Variants in LPIN3 observed in about 807,000 individuals in gnomAD.
The protein encoded by LPIN3 is phosphatidate phosphatase LPIN3.
Under a neutral mutation model 94.7 loss-of-function variants are expected in LPIN3, and 82 were observed. The observed-to-expected ratio is 0.87, with a 90% CI of 0.72 to 1.04. The LOEUF (loss-of-function observed/expected upper bound fraction) is 1.04. Ranked by LOEUF, LPIN3 falls within the 50% of genes least tolerant of loss-of-function variation. The probability of loss-of-function intolerance (pLI) is 0.00; values close to 1 mark genes in which losing one functional copy is unlikely to be tolerated. For synonymous variants in LPIN3, 418 were observed against 443.3 expected (o/e 0.94, Z 0.72); for missense variants, 996 against 1,090.5 (o/e 0.91, Z 1.22).
intron 1 of LPIN3, among the ~76,000 whole-genome samples, chr20:41,345,170 G>A (rs893476219): frequency 6.6e-6 from 1 of 152,196 alleles, no homozygotes; most frequent in African/African-American, 2.4e-5. Context: ...CACTTCTTGG[G>A]AAAAGAAGAG....
intron 11 of LPIN3, among the ~76,000 whole-genome samples, chr20:41,354,365 A>G (rs2046131915): frequency 6.6e-6 from 1 of 152,176 alleles, no homozygotes; most frequent in African/African-American, 2.4e-5. Context: ...AAAGGAATGG[A>G]TCCACAAGAT....
intron 1 of LPIN3, among the ~76,000 whole-genome samples, chr20:41,344,846 T>C (rs1005947157): frequency 5.9e-5 from 9 of 152,198 alleles, no homozygotes; most frequent in African/African-American, 1.9e-4. Flanking sequence ...AGGGTTGAAA[T>C]TGGGGTCTGA....
Position 41,356,003 on chromosome 20 carries a change from A to C in LPIN3, c.1772A>C (p.Lys591Thr). 1 of 1,614,076 alleles carries C rather than the reference A, an allele frequency of 6.2e-7. No individual in the cohort carries two copies. The highest frequency in any genetic ancestry group is 2.2e-5 in the East Asian group (1 of 44,874). Residue 591 changes from lysine (K) to threonine (T), a missense_variant, in exon 14 of 20, where the codon AAG (lysine) becomes ACG (threonine). Coordinates refer to ENST00000373257, the MANE Select transcript of LPIN3 (RefSeq NM_022896.3). ...ACTCCACCCTCCACTCCTACCTACA[A>C]GAAGTCCCTCCGCCTCTCCTCCGAT... ...PSTPPSTPTY[K>T]KSLRLSSDQI... is the part of the protein sequence containing the mutation.
chr20:41,341,618 C>T (rs1015028606), intron 1 of LPIN3, among the ~76,000 whole-genome samples: 2 of 152,226 alleles, frequency 1.3e-5, no homozygotes, highest in Non-Finnish European at 2.9e-5. Flanking sequence ...GTGAGGCCTA[C>T]GTGGAGTGCA....
At chr20:41,342,674 G>A (rs2045627158) in intron 1 of LPIN3, among the ~76,000 whole-genome samples, 1 of 141,074 alleles carries the variant, frequency 7.1e-6, no homozygotes, top group South Asian at 2.3e-4. Flanking sequence ...ATGTGGGGGG[G>A]CTCACTGGAA....
In LPIN3 at chr20:41,349,880, G is replaced by A. The variant is rs1336789487; in HGVS notation, c.745G>A (p.Gly249Arg). The change falls in exon 6 of 20, where the codon GGG becomes AGG. Residue 249 changes from glycine to arginine, a missense_variant. By Grantham distance (125) the Gly-to-Arg change is moderately radical. Transcript: ENST00000373257. ...RAESHMQWAW[G>R]RLPKVARAER... Reference sequence around the variant, plus strand: ...CGAGTCCCACATGCAGTGGGCCTGGGGGAGGCTGCCTAAGGTGAGTCCCTC... The same window carrying A: ...CGAGTCCCACATGCAGTGGGCCTGGAGGAGGCTGCCTAAGGTGAGTCCCTC... The A allele has an allele frequency of 6.2e-7, 1 of 1,612,978 alleles. No homozygotes were observed. The highest frequency in any genetic ancestry group is 1.3e-5 in the African/African-American group (1 of 74,920).
intron 9 of LPIN3, 60 bp downstream of exon 9, chr20:41,352,280 G>C: frequency 6.3e-7 from 1 of 1,587,666 alleles, no homozygotes; most frequent in Non-Finnish European, 8.6e-7. Flanking sequence ...AGGATGGGGA[G>C]GGCAGGGAAG....
At chr20:41,352,523 C>G (rs951788106) in intron 9 of LPIN3, 83 bp from the exon 10 acceptor site, 2 of 1,234,486 alleles carry the variant, frequency 1.6e-6, no homozygotes, top group African/African-American at 3.0e-5. Flanking sequence ...AGGTGAGCAG[C>G]AGAGTGGGGA....
Position 41,357,981 on chromosome 20 carries a change from C to T in LPIN3, c.2139C>T (p.Leu713=). 5 of 1,612,498 alleles carry T rather than the reference C, an allele frequency of 3.1e-6. No homozygotes were observed. The highest frequency in any genetic ancestry group is 4.2e-6 in the Non-Finnish European group (5 of 1,179,318). Reference sequence around the variant, plus strand: ...GGGTGAGCGAGGGGGGCTGTAGCCTCCCCAAGGGCCCCATCCTTCTGTCTC... The same window carrying T: ...GGGTGAGCGAGGGGGGCTGTAGCCTTCCCAAGGGCCCCATCCTTCTGTCTC... The part of the protein sequence containing the change: ...LQWVSEGGCS[L]PKGPILLSPS... Residue 713 remains leucine, a synonymous_variant, in exon 17 of 20, where the codon CTC becomes CTT. Transcript: ENST00000373257.
In LPIN3 at chr20:41,357,190, T is replaced by C; in HGVS notation, c.1952+2T>C. 1 of 1,613,788 alleles carries C rather than the reference T, an allele frequency of 6.2e-7. No homozygotes were observed. Among genetic ancestry groups the C allele is most frequent in the Non-Finnish European group, 8.5e-7 (1 of 1,179,970 alleles). On this transcript the variant is annotated splice_donor_variant, in intron 15 of 19. Coordinates refer to ENST00000373257, the MANE Select transcript of LPIN3 (RefSeq NM_022896.3). LOFTEE classifies it high-confidence loss of function. ...TGACATCGACGGCACCATCACCAAG[T>C]GAGGCCCACCCAGCTGTGGGAAGGG...
Position 41,349,162 on chromosome 20 carries a change from C to T in LPIN3, c.628C>T (p.Pro210Ser). The change falls in exon 5 of 20, where the codon CCC becomes TCC. Residue 210 changes from proline to serine, a missense_variant. Transcript: ENST00000373257. Reference sequence around the variant, plus strand: ...CCCCTACTCGGATGGCGAGTGGCCCCCCCAGGCCAGGTAAGAGTCCAGGTG... The same window carrying T: ...CCCCTACTCGGATGGCGAGTGGCCCTCCCAGGCCAGGTAAGAGTCCAGGTG... ...IYPYSDGEWPPQASLSAGELT... is the reference protein window; with the variant it reads ...IYPYSDGEWPSQASLSAGELT... 2.5e-6 allele frequency: 4 copies of T among 1,614,136 alleles called. No individual in the cohort carries two copies. The highest frequency in any genetic ancestry group is 3.4e-6 in the Non-Finnish European group (4 of 1,179,996).
chr20:41,341,987 A>G (rs1191272399), intron 1 of LPIN3, among the ~76,000 whole-genome samples: 3 of 152,162 alleles, frequency 2.0e-5, no homozygotes, highest in African/African-American at 7.2e-5. Context: ...AAAAAAATAA[A>G]TAAATAAAAG....
In LPIN3 at chr20:41,352,787, T is replaced by C; in HGVS notation, c.1458-11T>C. 6.2e-7 allele frequency: 1 copy of C among 1,614,216 alleles called. No homozygotes were observed. The highest frequency in any genetic ancestry group is 8.5e-7 in the Non-Finnish European group (1 of 1,179,996). On this transcript the variant is annotated splice_polypyrimidine_tract_variant and intron_variant, in intron 10 of 19. Transcript: ENST00000373257. ...GCTGCTGCAGCTTGATGCCCTGTTC[T>C]GTCTCTCTAGGCATTATAACTGGGC...
At chr20:41,354,929 G>A (rs2046159292) in intron 13 of LPIN3, 66 bp downstream of exon 13, 1 of 1,495,166 alleles carries the variant, frequency 6.7e-7, no homozygotes, top group Non-Finnish European at 9.0e-7. Flanking sequence ...GGGTGCAGGT[G>A]GGTGGCAGGG....
chr20:41,351,790 G>T (rs1328754459), intron 7 of LPIN3, 31 bp from the exon 8 acceptor site: 1 of 1,603,048 alleles, frequency 6.2e-7, no homozygotes, highest in Non-Finnish European at 8.5e-7. Flanking sequence ...GCACATGTCA[G>T]CTCTACAGAT....
rs72484492 is a variant in LPIN3, at chr20:41,359,308, G to A, written c.*442G>A. On this transcript the variant is annotated 3_prime_UTR_variant, in exon 20 of 20. Coordinates refer to ENST00000373257, the MANE Select transcript of LPIN3 (RefSeq NM_022896.3). ...GTACCACCACGCCTGGCTAATTTTC[G>A]TGTTTTTAGTAGAGATGGGTTTTCA... 21,968 of 151,930 alleles carry A rather than the reference G, an allele frequency of 0.14. 1,871 individuals carry two copies. Among genetic ancestry groups the A allele is most frequent in the Non-Finnish European group, 0.18 (12,353 of 68,206 alleles). The allele number at this position is 151,930 out of a possible 1,614,324, so 9.4% of individuals were successfully genotyped here.
At chr20:41,342,211 G>T (rs568639017) in intron 1 of LPIN3, among the ~76,000 whole-genome samples, 82 of 152,336 alleles carry the variant, frequency 5.4e-4, no homozygotes, top group Middle Eastern at 6.8e-3. Context: ...CTGAGGGTCA[G>T]AGAGATGAAG....
rs1003757943 is a variant in LPIN3, at chr20:41,358,109, C to T, written c.2192+75C>T. The T allele has an allele frequency of 1.7e-5, 27 of 1,571,912 alleles. No individual in the cohort carries two copies. In the African/African-American group the frequency reaches 2.8e-4, roughly 17 times the overall value. On this transcript the variant is annotated intron_variant, in intron 17 of 19. Transcript: ENST00000373257. ...AGGCCCACTGCCAGGCCAGCCTTAGCAGGCTGGCATTAAGCTCTCAGGTGG... is the reference window on the plus strand; with the variant it reads ...AGGCCCACTGCCAGGCCAGCCTTAGTAGGCTGGCATTAAGCTCTCAGGTGG...
chr20:41,347,955 G>T (rs1166299990), intron 3 of LPIN3, among the ~76,000 whole-genome samples: 1 of 152,206 alleles, frequency 6.6e-6, no homozygotes, highest in Non-Finnish European at 1.5e-5. Flanking sequence ...GCAGCTTGAA[G>T]AGGAGGCGGG....
Sources: gnomAD v4.1 joint callset for allele counts (sites outside exome capture counted in the v4.1 genomes callset) on GRCh38, gnomAD v4.1.1 for gene constraint, MANE v1.5 for transcripts, NCBI Gene and HGNC (gene_info 2026-07-23, HGNC 2026-07-21) for gene names.